MAPRE2: variants seen among roughly 807,000 people sequenced by gnomAD.
MAPRE2 encodes the protein microtubule-associated protein RP/EB family member 2.
A neutral mutation model predicts 43.2 loss-of-function variants in MAPRE2; 13 were observed. The ratio of observed to expected loss-of-function variants is 0.30; its 90% confidence interval spans 0.20 to 0.48. The LOEUF (loss-of-function observed/expected upper bound fraction) is 0.48, where lower values mean the gene tolerates loss of function less well. Among genes scored for constraint, MAPRE2 ranks in the 20% least tolerant of loss-of-function variants. The pLI is 0.99. For missense variants in MAPRE2, 161 were observed against 400.2 expected, an observed-to-expected ratio of 0.40 and a Z score of 5.10; for synonymous variants, 135 against 148.8, an observed-to-expected ratio of 0.91 and a Z score of 0.68.
At chr18:34,988,294 A>G (rs2097022024) in intron 1 of MAPRE2, among the ~76,000 whole-genome samples, 1 of 152,170 alleles carries the variant, frequency 6.6e-6, no homozygotes, top group African/African-American at 2.4e-5. Context: ...TCACTTCTTT[A>G]TGTCTGCTTT....
chr18:35,014,198 C>T (rs2097036645), intron 2 of MAPRE2, among the ~76,000 whole-genome samples: 1 of 152,006 alleles, frequency 6.6e-6, no homozygotes, highest in Non-Finnish European at 1.5e-5. Context: ...GATGCAAGGC[C>T]ATCTGCTAAG....
chr18:34,989,225 C>A (rs1178974454), intron 1 of MAPRE2, among the ~76,000 whole-genome samples: 2 of 152,144 alleles, frequency 1.3e-5, no homozygotes, highest in African/African-American at 2.4e-5. Flanking sequence ...GTGTAAAGTT[C>A]TTCTTGTCTG....
chr18:35,119,814 TTAAA>T (rs1258216848), intron 4 of MAPRE2, among the ~76,000 whole-genome samples: 1 of 152,252 alleles, frequency 6.6e-6, no homozygotes, highest in African/African-American at 2.4e-5. Flanking sequence ...AAAATGTTCT[TTAAA>T]TAAAAATGAG....
chr18:35,140,122 A>G (rs997900720), intron 6 of MAPRE2, among the ~76,000 whole-genome samples, 173 bp from the exon 7 acceptor site: 3 of 152,212 alleles, frequency 2.0e-5, no homozygotes, highest in African/African-American at 4.8e-5. Flanking sequence ...GCGCCCCTGC[A>G]TATGTATCAG....
At position 35,140,314 on chromosome 18, in the gene MAPRE2, C is replaced by T. The variant is rs553548164; in HGVS notation, c.929C>T (p.Pro310Leu). The change falls in exon 7 of 7, where the codon CCG becomes CTG. Residue 310 changes from proline (P) to leucine (L), a missense_variant. Coordinates refer to ENST00000300249, the MANE Select transcript of MAPRE2 (RefSeq NM_014268.4). ...SEEHEGHTEE[P>L]EAEEQAHEQQ... is the part of the protein sequence containing the mutation. ...CCACAGGAGGGCCACACAGAAGAGC[C>T]GGAAGCAGAGGAGCAAGCCCACGAA... The T allele has an allele frequency of 5.0e-6, 8 of 1,613,838 alleles. No individual in the cohort carries two copies. In the African/African-American group the frequency reaches 6.7e-5, roughly 13 times the overall value.
At chr18:35,129,209 A>G (rs1910039606) in intron 5 of MAPRE2, among the ~76,000 whole-genome samples, 3 of 152,160 alleles carry the variant, frequency 2.0e-5, no homozygotes. Flanking sequence ...TTCAATCAGT[A>G]TTACTGAGCA....
chr18:35,014,819 T>C (rs1039480704), intron 2 of MAPRE2, among the ~76,000 whole-genome samples: 3 of 151,752 alleles, frequency 2.0e-5, no homozygotes, highest in Non-Finnish European at 4.4e-5. Flanking sequence ...ACAAGCACTG[T>C]GTTGCATATA....
intron 4 of MAPRE2, among the ~76,000 whole-genome samples, chr18:35,104,888 T>C (rs774965481): frequency 6.6e-6 from 1 of 152,190 alleles, no homozygotes; most frequent in Non-Finnish European, 1.5e-5. Context: ...AATGTCATTT[T>C]CTAAAGCTGT....
chr18:35,099,812 C>T (rs967211254), intron 3 of MAPRE2, among the ~76,000 whole-genome samples: 2 of 152,048 alleles, frequency 1.3e-5, no homozygotes, highest in African/African-American at 4.8e-5. Context: ...TTGCTTTGTA[C>T]TTGGTTTAGT....
chr18:35,130,040 G>A (rs774640727), intron 5 of MAPRE2, among the ~76,000 whole-genome samples: 3 of 152,120 alleles, frequency 2.0e-5, no homozygotes, highest in Non-Finnish European at 4.4e-5. Context: ...TGCACTAAAG[G>A]GTTGTCTGGA....
chr18:35,127,155 C>A, intron 5 of MAPRE2, 68 bp downstream of exon 5: 1 of 1,541,864 alleles, frequency 6.5e-7, no homozygotes, highest in Non-Finnish European at 8.9e-7. Context: ...GGCCTAGGAT[C>A]CCCTAGGACT....
chr18:35,090,233 T>C (rs1908079666), intron 2 of MAPRE2, among the ~76,000 whole-genome samples: 1 of 152,170 alleles, frequency 6.6e-6, no homozygotes, highest in South Asian at 2.1e-4. Flanking sequence ...GATGAACAAT[T>C]CTGTGAGTAT....
intron 4 of MAPRE2, among the ~76,000 whole-genome samples, chr18:35,120,893 G>A (rs968240285): frequency 2.0e-5 from 3 of 152,112 alleles, no homozygotes; most frequent in Non-Finnish European, 2.9e-5. Context: ...GAGTGAGAAC[G>A]GCTAGGGGGA....
intron 2 of MAPRE2, among the ~76,000 whole-genome samples, chr18:35,026,508 C>CT (rs924155449): frequency 2.4e-4 from 35 of 147,132 alleles, no homozygotes; most frequent in Middle Eastern, 3.5e-3. Flanking sequence ...GGAGATTTGA[C>CT]TTTTTTTTTT....
chr18:35,037,763 C>T (rs1456656453), upstream of MAPRE2, among the ~76,000 whole-genome samples: 1 of 152,122 alleles, frequency 6.6e-6, no homozygotes, highest in Non-Finnish European at 1.5e-5. Context: ...AGTATTACAG[C>T]CTCTTCCATT....
intron 1 of MAPRE2, among the ~76,000 whole-genome samples, chr18:35,063,358 T>C (rs575491854): frequency 4.6e-4 from 70 of 152,194 alleles, no homozygotes; most frequent in East Asian, 7.7e-4. Context: ...CCGCCCGCCT[T>C]GTCCTCCCAA....
At chr18:35,097,832 T>G (rs569842423) in intron 3 of MAPRE2, among the ~76,000 whole-genome samples, 10 of 152,348 alleles carry the variant, frequency 6.6e-5, no homozygotes, top group Admixed American at 5.9e-4. Flanking sequence ...AATGTTAAAG[T>G]GTTATTAGTT....
At chr18:34,987,725 C>T (rs1348247494) in intron 1 of MAPRE2, among the ~76,000 whole-genome samples, 1 of 152,142 alleles carries the variant, frequency 6.6e-6, no homozygotes, top group Non-Finnish European at 1.5e-5. Flanking sequence ...TCACTGCAGC[C>T]TCCACCTCCC....
At chr18:35,006,575 TA>T (rs767181542) in intron 2 of MAPRE2, among the ~76,000 whole-genome samples, 2 of 152,212 alleles carry the variant, frequency 1.3e-5, no homozygotes, top group African/African-American at 2.4e-5. Context: ...TTCTTCCACT[TA>T]ATAGCATTTT....
Sources: allele counts gnomAD v4.1 joint callset (sites outside exome capture counted in the v4.1 genomes callset), GRCh38; gene constraint gnomAD v4.1.1; transcripts MANE v1.5; gene names NCBI Gene and HGNC (gene_info 2026-07-23, HGNC 2026-07-21).